TEP1: variants seen among roughly 807,000 people sequenced by gnomAD.
The protein encoded by TEP1 is telomerase protein component 1.
In TEP1, 241 loss-of-function variants were observed where a neutral mutation model predicts 306.3. That is an observed-to-expected ratio of 0.79 (90% CI 0.71 to 0.88). TEP1 has a LOEUF of 0.88. TEP1 is among the 40% of genes least tolerant of loss of function. The pLI is 0.00. For missense variants in TEP1, 3,051 were observed against 3,276.1 expected (o/e 0.93, Z 1.68); for synonymous variants, 1,289 against 1,305.5 (o/e 0.99, Z 0.27).
chr14:20,369,352 G>T lies in TEP1; in HGVS notation c.7648C>A (p.Arg2550Ser). The T allele has an allele frequency of 1.2e-6, 2 of 1,613,994 alleles. No homozygotes were observed. The highest frequency in any genetic ancestry group is 1.7e-6 in the Non-Finnish European group (2 of 1,179,982). The part of the protein sequence containing the change: ...EPTPHLKTRQ[R>S]RKIHSGSVTA... ...CCTTCCTTCAAACTCACCTTTCTAC[G>T]CTGCCGTGTCTTTAGATGTGGTGTT... Residue 2550 changes from arginine (R) to serine (S), a missense_variant, in exon 53 of 55, where the codon CGT (arginine) becomes AGT (serine). Arg to Ser is a moderately radical substitution (Grantham distance 110, BLOSUM62 -1). This residue lies in a region of TEP1 where 1,540 missense variants were observed against 1,705.9 expected (regional missense o/e 0.90). Coordinates refer to ENST00000262715, the MANE Select transcript of TEP1 (RefSeq NM_007110.5).
chr14:20,396,106 C>A (rs919632948), intron 10 of TEP1, among the ~76,000 whole-genome samples, 157 bp from the exon 11 acceptor site: 11 of 152,034 alleles, frequency 7.2e-5, no homozygotes, highest in South Asian at 2.1e-4. Flanking sequence ...AGAAAAAAGT[C>A]ATCATTTTAG....
At chr14:20,372,380 A>ATGTGTGTGTGTGTG (rs59329010) in intron 49 of TEP1, among the ~76,000 whole-genome samples, 6 of 139,554 alleles carry the variant, frequency 4.3e-5, no homozygotes, top group Non-Finnish European at 9.4e-5. Context: ...GTGTGTGTGT[A>ATGTGTGTGTGTGTG]TGTGTGTGTG....
rs200907004 is a variant in TEP1, at chr14:20,380,939, G to A, written c.4754C>T (p.Ala1585Val). The A allele has an allele frequency of 1.2e-6, 2 of 1,613,740 alleles. No homozygotes were observed. The highest frequency in any genetic ancestry group is 2.7e-5 in the African/African-American group (2 of 75,038). The stretch of plus-strand genomic sequence containing the variant: ...CCAGTGACTCATCTCACCATAGAGG[G>A]CATGGGCCTCCAAGAGCCGAGAGAC... Reference protein sequence around the residue: ...GLVSRLLEAHALYASSVPKEE... With the variant: ...GLVSRLLEAHVLYASSVPKEE... Residue 1585 changes from alanine (A) to valine (V), a missense_variant, in exon 33 of 55, where the codon GCC becomes GTC. Physicochemically the swap from Ala to Val is moderately conservative, Grantham distance 64. Transcript: ENST00000262715.
chr14:20,368,967 C>A, intron 53 of TEP1, 65 bp from the exon 54 acceptor site: 3 of 1,153,240 alleles, frequency 2.6e-6, no homozygotes, highest in Non-Finnish European at 3.8e-6. Flanking sequence ...AGAAGCATCA[C>A]AATGTGCTGT....
At chr14:20,389,365 C>T in intron 16 of TEP1, 68 bp from the exon 17 acceptor site, 1 of 1,570,836 alleles carries the variant, frequency 6.4e-7, no homozygotes, top group Non-Finnish European at 8.8e-7. Flanking sequence ...TGCCCACTAA[C>T]ATCCCAAGAT....
chr14:20,393,775 T>C lies in TEP1; in HGVS notation c.1928+1675A>G, dbSNP rs189583632. Among the ~76,000 whole-genome samples the C allele has an allele frequency of 1.8e-3, 262 of 148,278 alleles. 1 individual carries two copies. Among genetic ancestry groups the C allele is most frequent in the Middle Eastern group, 7.5e-3 (2 of 266 alleles). On this transcript the variant is annotated intron_variant, in intron 12 of 54. Coordinates refer to ENST00000262715, the MANE Select transcript of TEP1 (RefSeq NM_007110.5). ...CCAGCCTGGGTGACGAAGTGGGACTTTGTCTCAATTAAAAAAAAAAAAAGA... is the reference window on the plus strand; with the variant it reads ...CCAGCCTGGGTGACGAAGTGGGACTCTGTCTCAATTAAAAAAAAAAAAAGA...
chr14:20,385,647 A>AT (rs1251647033), intron 20 of TEP1, among the ~76,000 whole-genome samples: 1 of 152,254 alleles, frequency 6.6e-6, no homozygotes, highest in Non-Finnish European at 1.5e-5. Context: ...TGCTGGGATT[A>AT]TAGGCGTGAG....
Position 20,377,664 on chromosome 14 carries a change from T to C in TEP1, c.5811A>G (p.Pro1937=), listed in dbSNP as rs1453321768. The C allele has an allele frequency of 6.2e-7, 1 of 1,614,136 alleles. No individual in the cohort carries two copies. The highest frequency in any genetic ancestry group is 1.3e-5 in the African/African-American group (1 of 75,022). Residue 1937 remains proline, a synonymous_variant, in exon 40 of 55, where the codon CCA becomes CCG. Coordinates refer to ENST00000262715, the MANE Select transcript of TEP1 (RefSeq NM_007110.5). ...LSPALSVALS[P]DGDRVAVGYR... Reference sequence around the variant, plus strand: ...ATCCAACAGCCACCCGATCACCATCTGGGCTGAGTGCCACAGAGAGGGCAG... The same window carrying C: ...ATCCAACAGCCACCCGATCACCATCCGGGCTGAGTGCCACAGAGAGGGCAG...
chr14:20,398,934 G>A (rs1374512386), intron 9 of TEP1, among the ~76,000 whole-genome samples: 1 of 151,678 alleles, frequency 6.6e-6, no homozygotes, highest in Non-Finnish European at 1.5e-5. Context: ...GATGGAGTCT[G>A]TCTCTGTCAC....
chr14:20,368,296 G>A lies in TEP1; in HGVS notation c.*141C>T, dbSNP rs1594313552. On this transcript the variant is annotated 3_prime_UTR_variant, in exon 55 of 55. Coordinates refer to ENST00000262715, the MANE Select transcript of TEP1 (RefSeq NM_007110.5). ...CTAAATCCACATGAGAACACAGGCA[G>A]GCCTACACTTGAGATTTTTTGACAC... The A allele has an allele frequency of 3.3e-6, 3 of 920,990 alleles. No homozygotes were observed. Among genetic ancestry groups the A allele is most frequent in the East Asian group, 2.7e-5 (1 of 36,386 alleles). The allele number at this position is 920,990 out of a possible 1,614,324, so 57.1% of individuals were successfully genotyped here.
In TEP1 at chr14:20,378,438, G is replaced by A. The variant is rs1885330129; in HGVS notation, c.5450C>T (p.Thr1817Ile). 6.2e-7 allele frequency: 1 copy of A among 1,614,246 alleles called. No individual in the cohort carries two copies. Among genetic ancestry groups the A allele is most frequent in the South Asian group, 1.1e-5 (1 of 91,084 alleles). Residue 1817 changes from threonine (T) to isoleucine (I), a missense_variant, in exon 38 of 55, where the codon ACA becomes ATA. By Grantham distance (89) the Thr-to-Ile change is moderately conservative (BLOSUM62 -1). Coordinates refer to ENST00000262715, the MANE Select transcript of TEP1 (RefSeq NM_007110.5). ...GCTGATGCTGCCAGCCCAGCTGCCT[G>A]TGGCTATTACCTGCCCCTCTGGGTG... Reference protein sequence around the residue: ...AFHPEGQVIATGSWAGSISFF... With the variant: ...AFHPEGQVIAIGSWAGSISFF...
At chr14:20,395,997 T>TG in intron 10 of TEP1, 48 bp from the exon 11 acceptor site, 2 of 1,498,098 alleles carry the variant, frequency 1.3e-6, no homozygotes, top group Non-Finnish European at 1.9e-6. Flanking sequence ...GCCGGGAGTA[T>TG]GGGGGGCTTC....
Position 20,380,057 on chromosome 14 carries a change from G to C in TEP1, c.5004-4C>G, listed in dbSNP as rs760234839. On this transcript the variant is annotated splice_polypyrimidine_tract_variant and splice_region_variant and intron_variant, in intron 34 of 54. Transcript: ENST00000262715. ...AACTGCCAGAGACAGGCTGGAGCTA[G>C]AGAAAGAGTAGGAAGAAAGGGAGGA... 3 of 1,608,780 alleles carry C rather than the reference G, an allele frequency of 1.9e-6. No individual in the cohort carries two copies. The highest frequency in any genetic ancestry group is 3.4e-5 in the Admixed American group (2 of 58,400).
At position 20,385,019 on chromosome 14, in the gene TEP1, C is replaced by T. The variant is rs757066924; in HGVS notation, c.3073G>A (p.Ala1025Thr). The T allele has an allele frequency of 1.2e-6, 2 of 1,614,218 alleles. No homozygotes were observed. Among genetic ancestry groups the T allele is most frequent in the Non-Finnish European group, 1.7e-6 (2 of 1,180,034 alleles). ...CTGGAATCCCGGAAGTAGATGAGAG[C>T]TTGGGCAGAGGGCTGCAGACGTTGG... ...RNQRLQPSAQ[A>T]LIYFRDSSFL... is the part of the protein sequence containing the mutation. Residue 1025 changes from alanine (A) to threonine (T), a missense_variant, in exon 21 of 55, where the codon GCT becomes ACT. Ala to Thr is a moderately conservative substitution (Grantham distance 58). Around this residue, in one of 3 missense-constraint regions of TEP1, gnomAD observed 1,507 missense variants for 1,550.5 expected, o/e 0.97. Transcript: ENST00000262715.
In TEP1 at chr14:20,405,532, G is replaced by A; in HGVS notation, c.789C>T (p.Asn263=). 6.2e-7 allele frequency: 1 copy of A among 1,614,160 alleles called. No individual in the cohort carries two copies. The highest frequency in any genetic ancestry group is 1.1e-5 in the South Asian group (1 of 91,084). ...CAGCCAGGGTGGGGTCAGATGTATT[G>A]TTCATGTTTACTTCTGAGACCAGAG... ...CSTLVSEVNM[N]NTSDPTLAAI... Residue 263 remains asparagine, a synonymous_variant, in exon 4 of 55, where the codon AAC becomes AAT. Transcript: ENST00000262715.
In TEP1 at chr14:20,382,011, C is replaced by A; in HGVS notation, c.4326G>T (p.Pro1442=). Residue 1442 remains proline (P), a synonymous_variant, in exon 30 of 55, where the codon CCG becomes CCT. Coordinates refer to ENST00000262715, the MANE Select transcript of TEP1 (RefSeq NM_007110.5). ...HGVLSVWRTL[P]KGTKSWEEAV... is the part of the protein sequence containing the mutation. ...CTTCTTCCCAGCTCTTAGTCCCCTT[C>A]GGTAGTGTCCGCCACACACTCAGCA... 1.2e-6 allele frequency: 2 copies of A among 1,614,160 alleles called. No homozygotes were observed. Among genetic ancestry groups the A allele is most frequent in the Non-Finnish European group, 1.7e-6 (2 of 1,180,034 alleles).
chr14:20,381,411 C>A lies in TEP1; in HGVS notation c.4559-10G>T, dbSNP rs759917381. 5.0e-6 allele frequency: 8 copies of A among 1,614,036 alleles called. No homozygotes were observed. The Admixed American group carries it at 1.3e-4, about 27-fold the overall frequency. Reference sequence around the variant, plus strand: ...GTCTTCCAGAGCTGAGCTGCATGAACAGATATTGAGAAAGGCTCAGCCCTG... The same window carrying A: ...GTCTTCCAGAGCTGAGCTGCATGAAAAGATATTGAGAAAGGCTCAGCCCTG... On this transcript the variant is annotated splice_polypyrimidine_tract_variant and intron_variant, in intron 31 of 54. Transcript: ENST00000262715. The surrounding 1 kb of genome is among the most constrained non-coding windows in gnomAD (Gnocchi z 4.0).
At chr14:20,392,848 A>T (rs1877833820) in intron 12 of TEP1, among the ~76,000 whole-genome samples, 1 of 152,236 alleles carries the variant, frequency 6.6e-6, no homozygotes, top group Non-Finnish European at 1.5e-5. Context: ...AGGAAAGGTG[A>T]AATAAAATGT....
rs761822184 is a variant in TEP1 at position 20,373,751 on chromosome 14, G to A, written c.6531C>T (p.Gly2177=). The change falls in exon 45 of 55, where the codon GGC becomes GGT. Residue 2177 remains glycine (G), a synonymous_variant. Coordinates refer to ENST00000262715, the MANE Select transcript of TEP1 (RefSeq NM_007110.5). The part of the protein sequence containing the change: ...DGTLKVWDHQ[G]VELTSIPAHS... Reference sequence around the variant, plus strand: ...GAGCAGGGATGCTGGTCAGCTCCACGCCTTGATGGTCCCACACTTTCAAGG... The same window carrying A: ...GAGCAGGGATGCTGGTCAGCTCCACACCTTGATGGTCCCACACTTTCAAGG... 12 of 1,614,012 alleles carry A rather than the reference G, an allele frequency of 7.4e-6. No homozygotes were observed. The highest frequency in any genetic ancestry group is 3.3e-5 in the Admixed American group (2 of 60,004).
Sources: allele counts gnomAD v4.1 joint callset (sites outside exome capture counted in the v4.1 genomes callset), GRCh38; gene constraint gnomAD v4.1.1; regional missense constraint gnomAD v4.1.1; non-coding constraint Gnocchi (gnomAD v3.1); transcripts MANE v1.5; gene names NCBI Gene and HGNC (gene_info 2026-07-23, HGNC 2026-07-21).